Variants in ACTR3C observed in about 807,000 individuals in gnomAD.
ACTR3C encodes actin-related protein 3C.
Under a neutral mutation model 26.3 loss-of-function variants are expected in ACTR3C, and 18 were observed. The ratio of observed to expected loss-of-function variants is 0.68; its 90% CI spans 0.47 to 1.01. The LOEUF (loss-of-function observed/expected upper bound fraction) is 1.01. ACTR3C is among the 50% of genes least tolerant of loss of function. The pLI is 0.00. For missense variants in ACTR3C, 184 were observed against 250.7 expected, an observed-to-expected ratio of 0.73 and a Z score of 1.80; for synonymous variants, 55 against 94.5, an observed-to-expected ratio of 0.58 and a Z score of 2.42.
the ACTR3C span, among the ~76,000 whole-genome samples, chr7:150,189,405 G>T: frequency 0.055 from 7,678 of 140,490 alleles, 103 homozygotes; most frequent in African/African-American, 0.21. Flanking sequence ...GTGTGTGCAC[G>T]TTAAGTTACA....
chr7:149,995,486 T>A, the ACTR3C span, among the ~76,000 whole-genome samples: 3 of 152,260 alleles, frequency 2.0e-5, no homozygotes, highest in Non-Finnish European at 4.4e-5. Context: ...AGCTGGATAC[T>A]CGCACAGTAA....
chr7:149,921,367 A>G, the ACTR3C span, among the ~76,000 whole-genome samples: 7 of 152,200 alleles, frequency 4.6e-5, no homozygotes, highest in Admixed American at 2.0e-4. Flanking sequence ...TGATCCTCAC[A>G]TCAGTGATTT....
chr7:150,047,205 CTG>C, the ACTR3C span, among the ~76,000 whole-genome samples: 3 of 151,820 alleles, frequency 2.0e-5, no homozygotes, highest in South Asian at 4.2e-4. Flanking sequence ...GTGCCTGAGG[CTG>C]TGTTCCCGGA....
the ACTR3C span, among the ~76,000 whole-genome samples, chr7:150,219,017 G>A: frequency 1.2e-3 from 189 of 152,272 alleles, no homozygotes; most frequent in African/African-American, 4.4e-3. Flanking sequence ...ATTTCATCAT[G>A]ATCTGATAGA....
At chr7:150,048,906 C>G in the ACTR3C span, among the ~76,000 whole-genome samples, 1 of 152,072 alleles carries the variant, frequency 6.6e-6, no homozygotes, top group Non-Finnish European at 1.5e-5. Context: ...AGAGGACGCC[C>G]AGAGGCCCAG....
At chr7:150,041,088 A>G in the ACTR3C span, among the ~76,000 whole-genome samples, 1 of 150,562 alleles carries the variant, frequency 6.6e-6, no homozygotes, top group African/African-American at 2.5e-5. Flanking sequence ...TGACGCATAC[A>G]ATGGAAAAGG....
intron 1 of ACTR3C, among the ~76,000 whole-genome samples, chr7:150,308,036 A>G: frequency 6.6e-6 from 1 of 152,146 alleles, no homozygotes; most frequent in Admixed American, 6.5e-5. Flanking sequence ...ACTCGGGAAG[A>G]CAGTCTTTCC....
the ACTR3C span, among the ~76,000 whole-genome samples, chr7:150,072,900 C>T: frequency 1.3e-5 from 2 of 151,958 alleles, no homozygotes; most frequent in Non-Finnish European, 2.9e-5. Flanking sequence ...GAAGAAGGGA[C>T]AAACCACCTG....
the ACTR3C span, among the ~76,000 whole-genome samples, chr7:149,958,466 C>A: frequency 6.6e-6 from 1 of 152,340 alleles, no homozygotes; most frequent in South Asian, 2.1e-4. Flanking sequence ...GAGTTACCTG[C>A]CTGATCCCAG....
At chr7:150,130,009 C>G in the ACTR3C span, among the ~76,000 whole-genome samples, 1 of 152,036 alleles carries the variant, frequency 6.6e-6, no homozygotes, top group Non-Finnish European at 1.5e-5. Flanking sequence ...GAATAGAGTC[C>G]AGAAACAGAC....
At chr7:150,155,927 GC>G in the ACTR3C span, among the ~76,000 whole-genome samples, 1 of 151,792 alleles carries the variant, frequency 6.6e-6, no homozygotes, top group Non-Finnish European at 1.5e-5. Context: ...ATATTCCAGA[GC>G]AACTTGTATT....
chr7:150,142,858 G>A, the ACTR3C span, among the ~76,000 whole-genome samples: 3 of 149,408 alleles, frequency 2.0e-5, no homozygotes, highest in African/African-American at 7.4e-5. Flanking sequence ...GTTTTGAGAC[G>A]GACTCTCCCT....
chr7:150,010,135 C>T, the ACTR3C span, among the ~76,000 whole-genome samples: 2 of 152,216 alleles, frequency 1.3e-5, no homozygotes, highest in African/African-American at 4.8e-5. Context: ...CTGTCAGCCC[C>T]GTGACACTCC....
the ACTR3C span, among the ~76,000 whole-genome samples, chr7:150,071,197 C>T: frequency 6.6e-6 from 1 of 151,960 alleles, no homozygotes; most frequent in African/African-American, 2.4e-5. Flanking sequence ...GATCTCAGCT[C>T]ACTGCAAGCT....
At chr7:149,996,846 G>C in the ACTR3C span, among the ~76,000 whole-genome samples, 19,438 of 121,936 alleles carry the variant, frequency 0.16, 2 homozygotes, top group East Asian at 0.29. Context: ...TATCCCACAT[G>C]TGGTCTGTGG....
the ACTR3C span, among the ~76,000 whole-genome samples, chr7:150,025,468 C>T: frequency 5.9e-5 from 9 of 151,856 alleles, no homozygotes; most frequent in Non-Finnish European, 1.3e-4. Context: ...TGCATTTTTC[C>T]CTTGTATCAC....
the ACTR3C span, among the ~76,000 whole-genome samples, chr7:150,141,265 A>G: frequency 6.6e-6 from 1 of 152,216 alleles, no homozygotes; most frequent in South Asian, 2.1e-4. Flanking sequence ...TGTCTCCTTT[A>G]TCATCTCAAG....
chr7:150,074,362 G>A, the ACTR3C span: 1 of 152,132 alleles, frequency 6.6e-6, no homozygotes, highest in Non-Finnish European at 1.5e-5. Flanking sequence ...ATGGGGCAGA[G>A]TCCAGGAGAA....
chr7:150,301,622 T>C (rs934579977), intron 1 of ACTR3C, among the ~76,000 whole-genome samples: 2 of 152,068 alleles, frequency 1.3e-5, no homozygotes, highest in Non-Finnish European at 2.9e-5. Flanking sequence ...AAGCTTTCTA[T>C]CTTAATTATA....
Sources: gnomAD v4.1 joint callset for allele counts (sites outside exome capture counted in the v4.1 genomes callset) on GRCh38, gnomAD v4.1.1 for gene constraint, MANE v1.5 for transcripts, NCBI Gene and HGNC (gene_info 2026-07-23, HGNC 2026-07-21) for gene names.